The following NYAP2 variants were observed in gnomAD, a reference collection of about 807,000 sequenced individuals.
The protein encoded by NYAP2 is neuronal tyrosine-phosphorylated phosphoinositide-3-kinase adapter 2.
NYAP2 carries 23 observed loss-of-function variants against 50.4 expected under a neutral mutation model. The observed-to-expected ratio is 0.46, with a 90% CI of 0.33 to 0.65. NYAP2 has a LOEUF of 0.65. Among genes scored for constraint, NYAP2 ranks in the 30% least tolerant of loss-of-function variants. NYAP2 has a pLI of 0.02. For missense variants in NYAP2, 885 were observed against 861.0 expected (o/e 1.03, Z -0.35); for synonymous variants, 394 against 365.2 (o/e 1.08, Z -0.90).
intron 6 of NYAP2, among the ~76,000 whole-genome samples, chr2:225,629,697 T>A (rs1228012323): frequency 6.6e-6 from 1 of 152,142 alleles, no homozygotes; most frequent in Admixed American, 6.5e-5. Flanking sequence ...GAAGTAGATA[T>A]GTATGAAGAG....
chr2:225,573,679 G>T (rs148257303), intron 4 of NYAP2, among the ~76,000 whole-genome samples: 1 of 152,190 alleles, frequency 6.6e-6, no homozygotes, highest in Non-Finnish European at 1.5e-5. Context: ...GGGTTGGAAC[G>T]TTGAAGAATG....
intron 6 of NYAP2, among the ~76,000 whole-genome samples, chr2:225,646,065 G>T (rs1232125288): frequency 6.6e-6 from 1 of 152,126 alleles, no homozygotes; most frequent in Non-Finnish European, 1.5e-5. Flanking sequence ...TATTTTCTAG[G>T]ATTTTCATGA....
intron 3 of NYAP2, among the ~76,000 whole-genome samples, chr2:225,510,050 T>C (rs890427133): frequency 5.3e-5 from 8 of 152,202 alleles, no homozygotes; most frequent in African/African-American, 1.7e-4. Context: ...GTTGGTGTTT[T>C]TCCTTCTCTG....
At chr2:225,614,386 A>G (rs915039608) in intron 5 of NYAP2, among the ~76,000 whole-genome samples, 1 of 152,302 alleles carries the variant, frequency 6.6e-6, no homozygotes, top group East Asian at 1.9e-4. Context: ...TTTGGTTGGC[A>G]CTAGCCTCAT....
At chr2:225,405,375 A>T (rs1404943409) in intron 2 of NYAP2, among the ~76,000 whole-genome samples, 2 of 151,980 alleles carry the variant, frequency 1.3e-5, no homozygotes, top group Admixed American at 6.6e-5. Context: ...ATAGGATTAG[A>T]TGTTCAAGGC....
the NYAP2 span, among the ~76,000 whole-genome samples, chr2:225,685,275 T>C: frequency 6.6e-6 from 1 of 152,222 alleles, no homozygotes; most frequent in Non-Finnish European, 1.5e-5. Context: ...CAAGCCCATA[T>C]ATACTATTAA....
At chr2:225,612,243 C>T (rs889091178) in intron 5 of NYAP2, among the ~76,000 whole-genome samples, 2 of 150,764 alleles carry the variant, frequency 1.3e-5, no homozygotes, top group African/African-American at 4.9e-5. Context: ...TACCACTCTT[C>T]CTGTTTATAT....
At chr2:225,546,854 G>T (rs761974780) in intron 4 of NYAP2, among the ~76,000 whole-genome samples, 21 of 152,132 alleles carry the variant, frequency 1.4e-4, no homozygotes, top group Non-Finnish European at 3.1e-4. Flanking sequence ...TGTTCTACCT[G>T]CACATTGCTG....
chr2:225,560,467 A>C (rs1287395880), intron 4 of NYAP2, among the ~76,000 whole-genome samples: 1 of 152,122 alleles, frequency 6.6e-6, no homozygotes, highest in East Asian at 1.9e-4. Flanking sequence ...AGGCAAGGAC[A>C]TTGAGCTTTT....
the NYAP2 span, among the ~76,000 whole-genome samples, chr2:225,691,313 A>G: frequency 6.6e-6 from 1 of 152,132 alleles, no homozygotes; most frequent in Non-Finnish European, 1.5e-5. Flanking sequence ...AAATAGGTAC[A>G]TCTGTGTGCC....
intron 6 of NYAP2, among the ~76,000 whole-genome samples, chr2:225,643,407 C>T (rs1234940035): frequency 6.6e-6 from 1 of 151,710 alleles, no homozygotes; most frequent in Non-Finnish European, 1.5e-5. Context: ...AAAAAGTTAC[C>T]TTTTCTTTTT....
At chr2:225,599,309 GA>G (rs1210687531) in intron 5 of NYAP2, among the ~76,000 whole-genome samples, 1 of 152,208 alleles carries the variant, frequency 6.6e-6, no homozygotes. Flanking sequence ...TATATTCCAT[GA>G]AAAAAATTAT....
intron 4 of NYAP2, among the ~76,000 whole-genome samples, chr2:225,563,135 G>A (rs75303807): frequency 6.6e-6 from 1 of 152,236 alleles, no homozygotes; most frequent in East Asian, 1.9e-4. Flanking sequence ...CTCCAGAAGT[G>A]AGAGAGACAA....
intron 3 of NYAP2, among the ~76,000 whole-genome samples, chr2:225,451,700 C>A (rs1225501421): frequency 6.6e-6 from 1 of 152,146 alleles, no homozygotes; most frequent in Non-Finnish European, 1.5e-5. Flanking sequence ...GTTTCTGTGG[C>A]ATTTCAGAAA....
At chr2:225,421,601 A>T (rs2106127156) in intron 3 of NYAP2, among the ~76,000 whole-genome samples, 1 of 152,340 alleles carries the variant, frequency 6.6e-6, no homozygotes, top group Admixed American at 6.5e-5. Flanking sequence ...ATTACATAGG[A>T]GGGAATGTTT....
chr2:225,591,569 T>C (rs904705941), intron 5 of NYAP2, among the ~76,000 whole-genome samples: 1 of 152,154 alleles, frequency 6.6e-6, no homozygotes, highest in Non-Finnish European at 1.5e-5. Context: ...GTACCAGAAC[T>C]TTCTAAAAAT....
At chr2:225,611,867 G>T (rs545161504) in intron 5 of NYAP2, among the ~76,000 whole-genome samples, 121 of 146,948 alleles carry the variant, frequency 8.2e-4, no homozygotes, top group East Asian at 3.9e-3. Context: ...TATAGAGAGA[G>T]ATATATATAT....
rs719762 is a variant in NYAP2 at position 225,609,766 on chromosome 2, G to A, written c.1619-17151G>A. Among the ~76,000 whole-genome samples the A allele has an allele frequency of 5.5e-3, 834 of 152,216 alleles. 8 individuals carry two copies. Among genetic ancestry groups the A allele is most frequent in the African/African-American group, 0.018 (757 of 41,540 alleles). ...CCAAATAAAAGATGTAAAACTCAATGATATTAAAGTGTTAATAGCATCATA... is the reference window on the plus strand; with the variant it reads ...CCAAATAAAAGATGTAAAACTCAATAATATTAAAGTGTTAATAGCATCATA... On this transcript the variant is annotated intron_variant, in intron 5 of 6. Transcript: ENST00000636099.
exon 7 of NYAP2, chr2:225,652,994 T>G (rs1678082978): frequency 6.6e-6 from 1 of 152,232 alleles, no homozygotes; most frequent in Non-Finnish European, 1.5e-5. Context: ...TGCCTTTATA[T>G]AAATGTTAAA....
Sources: gnomAD v4.1 joint callset for allele counts (sites outside exome capture counted in the v4.1 genomes callset) on GRCh38, gnomAD v4.1.1 for gene constraint, MANE v1.5 for transcripts, NCBI Gene and HGNC (gene_info 2026-07-23, HGNC 2026-07-21) for gene names.